Variants in PEAK1 observed in about 807,000 individuals in gnomAD.
PEAK1 encodes the protein pseudopodium enriched atypical kinase 1.
In PEAK1, 54 loss-of-function variants were observed where a neutral mutation model predicts 124.7. The observed-to-expected ratio is 0.43, with a 90% CI of 0.35 to 0.54. The LOEUF (loss-of-function observed/expected upper bound fraction) is 0.54, where lower values mean the gene tolerates loss of function less well. Ranked by LOEUF, PEAK1 falls within the 20% of genes least tolerant of loss-of-function variation. The pLI is 0.01. For synonymous variants in PEAK1, 719 were observed against 760.0 expected (o/e 0.95, Z 0.89); for missense variants, 2,046 against 2,134.5 (o/e 0.96, Z 0.82).
At chr15:77,319,090 A>G (rs956066608) in intron 2 of PEAK1, among the ~76,000 whole-genome samples, 2 of 149,672 alleles carry the variant, frequency 1.3e-5, no homozygotes, top group African/African-American at 5.1e-5. Context: ...CATAATCACT[A>G]TGATATAATA....
chr15:77,257,834 T>A (rs950755723), intron 5 of PEAK1, among the ~76,000 whole-genome samples: 7 of 141,126 alleles, frequency 5.0e-5, no homozygotes, highest in Admixed American at 1.4e-4. Flanking sequence ...AGGCCTAGGT[T>A]TTCTTCTAGG....
chr15:77,232,763 T>G (rs1366240902), intron 6 of PEAK1, among the ~76,000 whole-genome samples: 1 of 152,192 alleles, frequency 6.6e-6, no homozygotes. Context: ...GTTTTGTTTT[T>G]AGATGGATTC....
chr15:77,298,012 T>G (rs868209996), intron 2 of PEAK1, among the ~76,000 whole-genome samples: 9 of 123,316 alleles, frequency 7.3e-5, no homozygotes, highest in African/African-American at 2.2e-4. Context: ...GAGCCGAGAT[T>G]GCGCCACTGC....
intron 6 of PEAK1, among the ~76,000 whole-genome samples, chr15:77,236,427 G>C (rs1445759850): frequency 1.3e-5 from 2 of 152,170 alleles, no homozygotes; most frequent in African/African-American, 2.4e-5. Flanking sequence ...ACTTGCATGA[G>C]GCCTATAGTC....
intron 6 of PEAK1, among the ~76,000 whole-genome samples, chr15:77,240,957 C>T (rs1457332434): frequency 6.6e-6 from 1 of 152,064 alleles, no homozygotes; most frequent in Non-Finnish European, 1.5e-5. Flanking sequence ...ATGAGATCTG[C>T]TTCACCATGA....
rs907149684 is a variant in PEAK1 at position 77,108,478 on chromosome 15, T to C, written c.*5678A>G. On this transcript the variant is annotated 3_prime_UTR_variant, in exon 10 of 10. Transcript: ENST00000682557. The stretch of plus-strand genomic sequence containing the variant: ...GCCTCATGCCAAAATGCCCTGCATA[T>C]CCTCAACAGAAAATCCCAACCCAGT... 1.2e-4 allele frequency: 19 copies of C among 152,192 alleles called. No individual in the cohort carries two copies. The highest frequency in any genetic ancestry group is 4.6e-4 in the African/African-American group (19 of 41,444). 9.4% of individuals were successfully genotyped at this position (152,192 alleles called of 1,614,324 possible).
At chr15:77,361,500 A>T (rs937181254) in intron 2 of PEAK1, among the ~76,000 whole-genome samples, 3 of 152,190 alleles carry the variant, frequency 2.0e-5, no homozygotes, top group African/African-American at 7.2e-5. Context: ...AATCAAGGAG[A>T]TGCAAATAAA....
At chr15:77,383,616 T>G (rs2069673184) in intron 1 of PEAK1, among the ~76,000 whole-genome samples, 1 of 152,198 alleles carries the variant, frequency 6.6e-6, no homozygotes, top group South Asian at 2.1e-4. Flanking sequence ...CCCAAGGCTA[T>G]ACTCAGTTAT....
rs1390623059 is a variant in PEAK1 at position 77,113,491 on chromosome 15, G to A, written c.*665C>T. ...GAGAATCAGGCAGTGGCAGCAGAGGGGAGACTATTAGGGCTGTCCTCCATG... is the reference window on the plus strand; with the variant it reads ...GAGAATCAGGCAGTGGCAGCAGAGGAGAGACTATTAGGGCTGTCCTCCATG... On this transcript the variant is annotated 3_prime_UTR_variant, in exon 10 of 10. Transcript: ENST00000682557. 2 of 152,520 alleles carry A rather than the reference G, an allele frequency of 1.3e-5. No individual in the cohort carries two copies. The highest frequency in any genetic ancestry group is 4.8e-5 in the African/African-American group (2 of 41,448). The allele number at this position is 152,520 out of a possible 1,614,324, so 9.4% of individuals were successfully genotyped here. A position where few individuals can be genotyped will look rare whatever the true frequency, so the allele number is the denominator to read the frequency against.
At chr15:77,171,430 T>C (rs1424143752) in intron 7 of PEAK1, among the ~76,000 whole-genome samples, 1 of 151,980 alleles carries the variant, frequency 6.6e-6, no homozygotes, top group Admixed American at 6.6e-5. Context: ...GGAACAAATG[T>C]TAAACACCAC....
intron 2 of PEAK1, among the ~76,000 whole-genome samples, chr15:77,310,633 T>C (rs1307736103): frequency 6.6e-6 from 1 of 152,220 alleles, no homozygotes; most frequent in African/African-American, 2.4e-5. Context: ...AAGCTACTTT[T>C]AGATGGGAGC....
chr15:77,280,697 T>C (rs1350517463), intron 5 of PEAK1, among the ~76,000 whole-genome samples: 1 of 152,164 alleles, frequency 6.6e-6, no homozygotes, highest in Non-Finnish European at 1.5e-5. Context: ...TCCACAAACT[T>C]CCTTCAGACA....
intron 2 of PEAK1, among the ~76,000 whole-genome samples, chr15:77,287,363 C>T (rs1188315939): frequency 1.3e-5 from 2 of 152,166 alleles, no homozygotes; most frequent in Non-Finnish European, 2.9e-5. Context: ...TATAAAAACG[C>T]AATTTCCAAG....
intron 7 of PEAK1, among the ~76,000 whole-genome samples, chr15:77,161,228 G>A (rs575123821): frequency 6.6e-6 from 1 of 152,268 alleles, no homozygotes; most frequent in African/African-American, 2.4e-5. Flanking sequence ...CTGAGTTCTG[G>A]AGAGCTACAA....
At chr15:77,151,065 C>A (rs2054580865) in intron 8 of PEAK1, among the ~76,000 whole-genome samples, 1 of 152,100 alleles carries the variant, frequency 6.6e-6, no homozygotes, top group Non-Finnish European at 1.5e-5. Flanking sequence ...ATTTCTAGTT[C>A]TAGATGCCTG....
chr15:77,178,790 C>G lies in PEAK1; in HGVS notation c.3137G>C (p.Ser1046Thr). 6.2e-7 allele frequency: 1 copy of G among 1,611,480 alleles called. No homozygotes were observed. The highest frequency in any genetic ancestry group is 8.5e-7 in the Non-Finnish European group (1 of 1,178,614). The change falls in exon 7 of 10, where the codon AGT (serine) becomes ACT (threonine). Residue 1046 changes from serine (S) to threonine (T), a missense_variant and splice_region_variant. Physicochemically the swap from Ser to Thr is moderately conservative, Grantham distance 58 (BLOSUM62 1). Coordinates refer to ENST00000682557, the MANE Select transcript of PEAK1 (RefSeq NM_001385026.1). ...TATTCTTCCAGTCTATTTTACATAC[C>G]TGAGAATCTTTTTAGGAATCTGTGA... ...SPSQIPKKIL[S>T]HMTHEVTEDF...
At chr15:77,270,070 C>T (rs986075961) in intron 5 of PEAK1, among the ~76,000 whole-genome samples, 1 of 152,122 alleles carries the variant, frequency 6.6e-6, no homozygotes, top group African/African-American at 2.4e-5. Context: ...TTGAGGAGTG[C>T]TTTACTTCCA....
At chr15:77,303,464 A>G (rs921762455) in intron 2 of PEAK1, among the ~76,000 whole-genome samples, 2 of 152,212 alleles carry the variant, frequency 1.3e-5, no homozygotes, top group African/African-American at 4.8e-5. Flanking sequence ...TAGTGGTACC[A>G]CATTATTGTT....
At chr15:77,204,531 G>C (rs1006665593) in intron 6 of PEAK1, 1 of 153,092 alleles carries the variant, frequency 6.5e-6, no homozygotes, top group African/African-American at 2.4e-5. Context: ...TTGCGCCGCA[G>C]CCTGCAGGCA....
Sources: gnomAD v4.1 joint callset for allele counts (sites outside exome capture counted in the v4.1 genomes callset) on GRCh38, gnomAD v4.1.1 for gene constraint, MANE v1.5 for transcripts, NCBI Gene and HGNC (gene_info 2026-07-23, HGNC 2026-07-21) for gene names.